Variants in OTUD7B observed in about 807,000 individuals in gnomAD.
OTUD7B encodes OTU deubiquitinase 7B, also known as OTU domain-containing protein 7B.
In OTUD7B, 34 loss-of-function variants were observed where a neutral mutation model predicts 82.2. That is an observed-to-expected ratio of 0.41 (90% CI 0.31 to 0.55). The LOEUF (loss-of-function observed/expected upper bound fraction) is 0.55. Among genes scored for constraint, OTUD7B ranks in the 20% least tolerant of loss-of-function variants. The pLI, the probability that OTUD7B is intolerant of heterozygous loss-of-function variation, is 0.20. For missense variants in OTUD7B, 944 were observed against 1,062.1 expected, an observed-to-expected ratio of 0.89 and a Z score of 1.55; for synonymous variants, 398 against 402.7, an observed-to-expected ratio of 0.99 and a Z score of 0.14.
At chr1:149,988,585 G>C (rs1553781354) in intron 1 of OTUD7B, among the ~76,000 whole-genome samples, 1 of 152,160 alleles carries the variant, frequency 6.6e-6, no homozygotes, top group African/African-American at 2.4e-5. Context: ...TTGCAAAAGG[G>C]AAGTAATCTT....
rs1647400543 is a variant in OTUD7B at position 149,943,464 on chromosome 1, T to C, written c.*393A>G. On this transcript the variant is annotated 3_prime_UTR_variant, in exon 12 of 12. Transcript: ENST00000581312. The stretch of plus-strand genomic sequence containing the variant: ...TTCCCAACCTAAAGAACTTTGGTTT[T>C]ATTGACTGAGAACCTCCTTTGCCCA... 1 of 183,914 alleles carries C rather than the reference T, an allele frequency of 5.4e-6. No homozygotes were observed. Among genetic ancestry groups the C allele is most frequent in the Non-Finnish European group, 1.1e-5 (1 of 88,894 alleles). 11.4% of individuals were successfully genotyped at this position (183,914 alleles called of 1,614,324 possible). A position where few individuals can be genotyped will look rare whatever the true frequency, so the allele number is the denominator to read the frequency against.
At chr1:149,989,471 C>CTAA (rs1651410961) in intron 1 of OTUD7B, among the ~76,000 whole-genome samples, 1 of 112,836 alleles carries the variant, frequency 8.9e-6, no homozygotes, top group African/African-American at 3.5e-5. Flanking sequence ...AGACTCTGTC[C>CTAA]AAAAAAAAAA....
chr1:150,024,048 T>A, the OTUD7B span, among the ~76,000 whole-genome samples: 1 of 152,206 alleles, frequency 6.6e-6, no homozygotes, highest in South Asian at 2.1e-4. Context: ...TAGTGGCCAG[T>A]GCTAAGGACA....
chr1:149,964,893 C>T (rs1201779919), intron 5 of OTUD7B, among the ~76,000 whole-genome samples: 4 of 135,308 alleles, frequency 3.0e-5, no homozygotes, highest in African/African-American at 5.6e-5. Context: ...CACGCCTGAC[C>T]TTTTTTTTTT....
At chr1:149,965,095 G>A (rs1318997494) in intron 5 of OTUD7B, among the ~76,000 whole-genome samples, 1 of 151,988 alleles carries the variant, frequency 6.6e-6, no homozygotes, top group Non-Finnish European at 1.5e-5. Flanking sequence ...GTTTCACCGT[G>A]TTGGCCAGGC....
intron 2 of OTUD7B, among the ~76,000 whole-genome samples, chr1:149,971,583 A>T (rs782424283): frequency 6.6e-6 from 1 of 152,170 alleles, no homozygotes; most frequent in Non-Finnish European, 1.5e-5. Flanking sequence ...GCCCAAAGTC[A>T]CAGCTAGTTC....
chr1:150,048,101 G>A, the OTUD7B span, among the ~76,000 whole-genome samples: 8 of 151,420 alleles, frequency 5.3e-5, no homozygotes, highest in African/African-American at 2.0e-4. Context: ...AAAAAAAATA[G>A]TTCCTAAATA....
intron 1 of OTUD7B, among the ~76,000 whole-genome samples, chr1:149,985,672 CAGA>C (rs1553780620): frequency 6.6e-6 from 1 of 151,264 alleles, no homozygotes; most frequent in Non-Finnish European, 1.5e-5. Context: ...CACTTGAGCA[CAGA>C]AGGTTGATGC....
the OTUD7B span, among the ~76,000 whole-genome samples, chr1:150,040,225 CTT>C: frequency 6.6e-6 from 1 of 152,128 alleles, no homozygotes; most frequent in African/African-American, 2.4e-5. Context: ...AAGATGATCT[CTT>C]TTATTATTTT....
At position 149,944,814 on chromosome 1, in the gene OTUD7B, C is replaced by G; in HGVS notation, c.1575G>C (p.Met525Ile). The stretch of plus-strand genomic sequence containing the variant: ...CTCCAGGCTTTGAACCCTTGCTGTG[C>G]ATCAGGCCCCCCATGTTCTTCTTGA... ...SKLKKNMGGL[M>I]HSKGSKPGGV... The change falls in exon 12 of 12, where the codon ATG (methionine) becomes ATC (isoleucine). Residue 525 changes from methionine (M) to isoleucine (I), a missense_variant. Coordinates refer to ENST00000581312, the MANE Select transcript of OTUD7B (RefSeq NM_020205.4). 2 of 1,614,204 alleles carry G rather than the reference C, an allele frequency of 1.2e-6. No homozygotes were observed. Among genetic ancestry groups the G allele is most frequent in the Non-Finnish European group, 1.7e-6 (2 of 1,180,034 alleles).
chr1:149,956,857 G>T lies in OTUD7B; in HGVS notation c.845+2827C>A, dbSNP rs373912098. ...CTGAAGCTTGTGCACGCGTCACATAGTTCTTATGCCATGGTTTTCAGCTCC... is the reference window on the plus strand; with the variant it reads ...CTGAAGCTTGTGCACGCGTCACATATTTCTTATGCCATGGTTTTCAGCTCC... On this transcript the variant is annotated intron_variant, in intron 7 of 11. Transcript: ENST00000581312. Among the ~76,000 whole-genome samples, 17 of 152,292 alleles carry T rather than the reference G, an allele frequency of 1.1e-4. 2 individuals are homozygous for T. The highest frequency in any genetic ancestry group is 5.8e-4 in the East Asian group (3 of 5,186).
chr1:149,955,029 G>A (rs1214897542), intron 7 of OTUD7B, among the ~76,000 whole-genome samples: 1 of 152,018 alleles, frequency 6.6e-6, no homozygotes, highest in Non-Finnish European at 1.5e-5. Flanking sequence ...AGGGTTTTTT[G>A]TGTCTCTATC....
chr1:149,958,165 T>C lies in OTUD7B; in HGVS notation c.845+1519A>G, dbSNP rs191231883. Among the ~76,000 whole-genome samples the C allele has an allele frequency of 2.6e-3, 398 of 152,260 alleles. 2 individuals are homozygous for C. Among genetic ancestry groups the C allele is most frequent in the African/African-American group, 9.1e-3 (376 of 41,536 alleles). The stretch of plus-strand genomic sequence containing the variant: ...GTTCCTATTTGGCCATCTTCAACAC[T>C]TGGTCAATCTTGTTTTACTACACCT... On this transcript the variant is annotated intron_variant, in intron 7 of 11. Transcript: ENST00000581312.
chr1:150,039,528 C>A, the OTUD7B span, among the ~76,000 whole-genome samples: 3 of 152,072 alleles, frequency 2.0e-5, no homozygotes, highest in Admixed American at 1.3e-4. Context: ...AGGTGCCCAC[C>A]ACCATGCCCA....
At chr1:150,033,407 A>G in the OTUD7B span, among the ~76,000 whole-genome samples, 1 of 152,160 alleles carries the variant, frequency 6.6e-6, no homozygotes, top group Non-Finnish European at 1.5e-5. Flanking sequence ...TGCTGCCCAG[A>G]CAACTAAGTG....
In OTUD7B at chr1:149,945,084, C is replaced by A; in HGVS notation, c.1324-19G>T. The A allele has an allele frequency of 6.2e-7, 1 of 1,605,300 alleles. No individual in the cohort carries two copies. Among genetic ancestry groups the A allele is most frequent in the Non-Finnish European group, 8.5e-7 (1 of 1,175,802 alleles). ...GAGGAGCCTGGAAGAGACAAGAACA[C>A]TGTTGACAGTTATCCCAGCAGCCTG... On this transcript the variant is annotated intron_variant, in intron 11 of 11. Coordinates refer to ENST00000581312, the MANE Select transcript of OTUD7B (RefSeq NM_020205.4).
chr1:149,990,987 G>A lies in OTUD7B; in HGVS notation c.-66-13411C>T, dbSNP rs587597876. On this transcript the variant is annotated intron_variant, in intron 1 of 11. Transcript: ENST00000581312. ...GCCTGGGCAACAAGAGCGAAACTCCGTCGCAAAAAAAAAAAAGTTTACAAA... is the reference window on the plus strand; with the variant it reads ...GCCTGGGCAACAAGAGCGAAACTCCATCGCAAAAAAAAAAAAGTTTACAAA... 2.2e-3 allele frequency among the ~76,000 whole-genome samples: 34 copies of A among 15,460 alleles called. No individual in the cohort carries two copies. In the South Asian group the frequency reaches 0.056, roughly 25 times the overall value. 10.1% of individuals were successfully genotyped at this position (15,460 alleles called of 152,430 possible).
chr1:149,965,716 T>G, intron 5 of OTUD7B, 61 bp downstream of exon 5: 284 of 1,199,554 alleles, frequency 2.4e-4, no homozygotes, highest in Non-Finnish European at 3.0e-4. Context: ...GTCCTACACA[T>G]GAGATTTGAC....
chr1:150,016,215 C>T, the OTUD7B span, among the ~76,000 whole-genome samples: 2 of 152,222 alleles, frequency 1.3e-5, no homozygotes, highest in South Asian at 2.1e-4. Flanking sequence ...ATAATCCCAA[C>T]GAGTAAAATG....
Sources: gnomAD v4.1 joint callset for allele counts (sites outside exome capture counted in the v4.1 genomes callset) on GRCh38, gnomAD v4.1.1 for gene constraint, MANE v1.5 for transcripts, NCBI Gene and HGNC (gene_info 2026-07-23, HGNC 2026-07-21) for gene names.